Variants in SNX31 observed in about 807,000 individuals in gnomAD.
SNX31 encodes the protein sorting nexin-31.
A neutral mutation model predicts 65.4 loss-of-function variants in SNX31; 58 were observed. The ratio of observed to expected loss-of-function variants is 0.89; its 90% CI spans 0.72 to 1.10. The LOEUF (loss-of-function observed/expected upper bound fraction) is 1.10. SNX31 is among the 50% of genes least tolerant of loss of function. SNX31 has a pLI of 0.00. For synonymous variants in SNX31, 181 were observed against 190.1 expected (o/e 0.95, Z 0.39); for missense variants, 523 against 529.7 (o/e 0.99, Z 0.12).
At chr8:100,637,107 C>A (rs1393706177) in intron 2 of SNX31, among the ~76,000 whole-genome samples, 1 of 152,186 alleles carries the variant, frequency 6.6e-6, no homozygotes, top group Non-Finnish European at 1.5e-5. Context: ...AGAAACCAGC[C>A]AGGCCCTTCT....
chr8:100,613,135 G>A lies in SNX31; in HGVS notation c.433-50C>T. On this transcript the variant is annotated intron_variant, in intron 5 of 13. Coordinates refer to ENST00000311812, the MANE Select transcript of SNX31 (RefSeq NM_152628.4). The surrounding 1 kb of genome is among the most constrained non-coding windows in gnomAD (Gnocchi z 5.2). ...GGAAAAAGTTAGGTGTGCCCACCAT[G>A]CATCCTAACTGTGACATGCAGACTT... 7.0e-7 allele frequency: 1 copy of A among 1,420,462 alleles called. No individual in the cohort carries two copies. The highest frequency in any genetic ancestry group is 1.0e-6 in the Non-Finnish European group (1 of 1,004,678). The allele number at this position is 1,420,462 out of a possible 1,614,324, so 88.0% of individuals were successfully genotyped here. A position where few individuals can be genotyped will look rare whatever the true frequency, so the allele number is the denominator to read the frequency against.
At chr8:100,640,728 A>G (rs1819111880) in intron 2 of SNX31, among the ~76,000 whole-genome samples, 1 of 152,176 alleles carries the variant, frequency 6.6e-6, no homozygotes, top group Admixed American at 6.5e-5. Context: ...AAAAAATATA[A>G]GACAAATTCC....
rs529348424 is a variant in SNX31 at position 100,573,155 on chromosome 8, A to G, written c.*710T>C. The G allele has an allele frequency of 2.0e-5, 3 of 152,626 alleles. No homozygotes were observed. Among genetic ancestry groups the G allele is most frequent in the South Asian group, 4.1e-4 (2 of 4,824 alleles). 9.5% of individuals were successfully genotyped at this position (152,626 alleles called of 1,614,324 possible). ...AGGTGCAGAGCCTTATTGCTTTCCA[A>G]ATTAAAACATTCCAAATAGCATGTT... On this transcript the variant is annotated 3_prime_UTR_variant, in exon 14 of 14. Coordinates refer to ENST00000311812, the MANE Select transcript of SNX31 (RefSeq NM_152628.4).
chr8:100,590,295 T>C (rs1037570994), intron 10 of SNX31, among the ~76,000 whole-genome samples: 2 of 152,210 alleles, frequency 1.3e-5, no homozygotes, highest in African/African-American at 2.4e-5. Context: ...GCAACAGATT[T>C]TCTTTAAGAG....
chr8:100,630,184 T>A lies in SNX31; in HGVS notation c.321+143A>T. The A allele has an allele frequency of 1.5e-6, 1 of 671,058 alleles. No homozygotes were observed. The highest frequency in any genetic ancestry group is 2.5e-6 in the Non-Finnish European group (1 of 404,586). The allele number at this position is 671,058 out of a possible 1,614,324, so 41.6% of individuals were successfully genotyped here. On this transcript the variant is annotated intron_variant, in intron 4 of 13. Transcript: ENST00000311812. This position sits in a 1 kb window ranked among gnomAD's most constrained non-coding sequence, Gnocchi z 5.3. ...AACAAAATAGGAACCATCCCCCAAT[T>A]GACTTGAAATGAATATATTTTGTCC...
chr8:100,654,878 T>C (rs1467515292), intron 1 of SNX31, among the ~76,000 whole-genome samples: 1 of 152,058 alleles, frequency 6.6e-6, no homozygotes, highest in Non-Finnish European at 1.5e-5. Flanking sequence ...CCAGATGTGG[T>C]AGTACACACC....
In SNX31 at chr8:100,588,821, G is replaced by A; in HGVS notation, c.1092+45C>T. On this transcript the variant is annotated intron_variant, in intron 11 of 13. Transcript: ENST00000311812. The surrounding 1 kb of genome is among the most constrained non-coding windows in gnomAD (Gnocchi z 4.8). Reference sequence around the variant, plus strand: ...TTCATCCACCCCAGCAAGCAAGACAGCATTTCAGCACAGAGGGTGTTCAAG... The same window carrying A: ...TTCATCCACCCCAGCAAGCAAGACAACATTTCAGCACAGAGGGTGTTCAAG... 1.4e-6 allele frequency: 2 copies of A among 1,422,660 alleles called. No homozygotes were observed. Among genetic ancestry groups the A allele is most frequent in the Non-Finnish European group, 2.0e-6 (2 of 1,008,912 alleles). 88.1% of individuals were successfully genotyped at this position (1,422,660 alleles called of 1,614,324 possible). A position where few individuals can be genotyped will look rare whatever the true frequency, so the allele number is the denominator to read the frequency against.
At chr8:100,603,396 T>C (rs1815827418) in intron 8 of SNX31, among the ~76,000 whole-genome samples, 1 of 150,144 alleles carries the variant, frequency 6.7e-6, no homozygotes, top group South Asian at 2.1e-4. Flanking sequence ...GAGATGCAGA[T>C]GTCTTACAGC....
intron 11 of SNX31, among the ~76,000 whole-genome samples, chr8:100,587,178 T>G (rs111793050): frequency 6.0e-4 from 91 of 152,328 alleles, no homozygotes; most frequent in African/African-American, 1.9e-3. Context: ...CAGACTCCCT[T>G]GCAGCTAGGA....
At position 100,596,846 on chromosome 8, in the gene SNX31, CT is replaced by C; in HGVS notation, c.775-5del. 2 of 1,613,264 alleles carry C rather than the reference CT, an allele frequency of 1.2e-6. No homozygotes were observed. The highest frequency in any genetic ancestry group is 1.7e-6 in the Non-Finnish European group (2 of 1,179,958). On this transcript the variant is annotated splice_polypyrimidine_tract_variant and splice_region_variant and intron_variant, in intron 9 of 13. Transcript: ENST00000311812. ...CCTCCCGGGCCAGCTCCAAAAACTGCTCCAAAGAGGGTGATGTGGGGGGAGG... is the reference window on the plus strand; with the variant it reads ...CCTCCCGGGCCAGCTCCAAAAACTGCCCAAAGAGGGTGATGTGGGGGGAGG...
At chr8:100,641,888 C>T (rs951173798) in intron 2 of SNX31, among the ~76,000 whole-genome samples, 36 of 151,152 alleles carry the variant, frequency 2.4e-4, no homozygotes, top group Non-Finnish European at 4.3e-4. Flanking sequence ...ACCATCCTGG[C>T]TAACGCGGTG....
At chr8:100,603,437 C>CT (rs1441075561) in intron 8 of SNX31, among the ~76,000 whole-genome samples, 3,124 of 141,652 alleles carry the variant, frequency 0.022, 75 homozygotes, top group African/African-American at 0.048. Flanking sequence ...GTTTCATTAC[C>CT]TTTTTTTTTT....
At position 100,573,952 on chromosome 8, in the gene SNX31, GTCTT is replaced by G; in HGVS notation, c.1232_1235del (p.Lys411ThrfsTer14). The G allele has an allele frequency of 1.9e-6, 3 of 1,560,180 alleles. No individual in the cohort carries two copies. The highest frequency in any genetic ancestry group is 2.6e-6 in the Non-Finnish European group (3 of 1,148,964). On this transcript the variant is annotated frameshift_variant, in exon 14 of 14. Coordinates refer to ENST00000311812, the MANE Select transcript of SNX31 (RefSeq NM_152628.4). LOFTEE classifies it high-confidence loss of function. ...TTTTTCTTGATAGAAAACTAGAATA[GTCTT>G]TCTGCTGTGAAGTAAACAGAGAGGT...
At chr8:100,618,506 T>C in intron 4 of SNX31, 1 of 623,444 alleles carries the variant, frequency 1.6e-6, no homozygotes, top group South Asian at 2.0e-5. Context: ...TTGCTTGGAG[T>C]TGGCATCAGA....
intron 10 of SNX31, among the ~76,000 whole-genome samples, chr8:100,595,700 A>C (rs1481613742): frequency 6.6e-6 from 1 of 152,012 alleles, no homozygotes; most frequent in Non-Finnish European, 1.5e-5. Context: ...AGACAGAAGA[A>C]CCCCATGAAA....
Position 100,649,356 on chromosome 8 carries a change from C to T in SNX31, c.67-8G>A, listed in dbSNP as rs1277987929. The T allele has an allele frequency of 6.2e-7, 1 of 1,613,644 alleles. No individual in the cohort carries two copies. The highest frequency in any genetic ancestry group is 1.7e-5 in the Admixed American group (1 of 60,024). ...CAGGTGCACGGAGTACAGCTGCAAACACACAGACACCCCGTCCCTGGTGAG... is the reference window on the plus strand; with the variant it reads ...CAGGTGCACGGAGTACAGCTGCAAATACACAGACACCCCGTCCCTGGTGAG... On this transcript the variant is annotated splice_region_variant and splice_polypyrimidine_tract_variant and intron_variant, in intron 1 of 13. Coordinates refer to ENST00000311812, the MANE Select transcript of SNX31 (RefSeq NM_152628.4).
intron 8 of SNX31, among the ~76,000 whole-genome samples, chr8:100,601,519 A>C (rs1349282372): frequency 6.6e-6 from 1 of 152,248 alleles, no homozygotes; most frequent in Non-Finnish European, 1.5e-5. Context: ...CCAAAGAGTT[A>C]ATCAATAGTT....
intron 10 of SNX31, among the ~76,000 whole-genome samples, chr8:100,589,844 C>G (rs1814409189): frequency 1.3e-5 from 2 of 152,222 alleles, no homozygotes; most frequent in Admixed American, 1.3e-4. Context: ...AAAACCATCC[C>G]TCTTCCACTG....
intron 4 of SNX31, among the ~76,000 whole-genome samples, chr8:100,621,857 G>A (rs995953879): frequency 6.6e-6 from 1 of 152,176 alleles, no homozygotes; most frequent in African/African-American, 2.4e-5. Context: ...AGGTTTCGAT[G>A]CTCAGTGCAA....
Sources: gnomAD v4.1 joint callset for allele counts (sites outside exome capture counted in the v4.1 genomes callset) on GRCh38, gnomAD v4.1.1 for gene constraint, Gnocchi (gnomAD v3.1) non-coding constraint, MANE v1.5 for transcripts, NCBI Gene and HGNC (gene_info 2026-07-23, HGNC 2026-07-21) for gene names.